SEMA3D: variants seen among roughly 807,000 people sequenced by gnomAD.
SEMA3D encodes the protein semaphorin-3D.
SEMA3D carries 84 observed loss-of-function variants against 100.1 expected under a neutral mutation model. The observed-to-expected ratio is 0.84, with a 90% CI of 0.70 to 1.01. SEMA3D has a LOEUF of 1.01. Ranked by LOEUF, SEMA3D falls within the 50% of genes least tolerant of loss-of-function variation. The pLI is 0.00. For missense variants in SEMA3D, 875 were observed against 934.1 expected (o/e 0.94, Z 0.82); for synonymous variants, 312 against 320.7 (o/e 0.97, Z 0.29).
In SEMA3D at chr7:85,108,351, A is replaced by G. The variant is rs538810318; in HGVS notation, c.152-10386T>C. ...AGGATTTATTGCCATCTTATTAATA[A>G]TTTAGAGAAGTTAATGTGCTATTTA... On this transcript the variant is annotated intron_variant, in intron 3 of 18. Coordinates refer to ENST00000284136, the MANE Select transcript of SEMA3D (RefSeq NM_001384900.1). Among the ~76,000 whole-genome samples the G allele has an allele frequency of 2.0e-5, 3 of 152,168 alleles. No homozygotes were observed. In the South Asian group the frequency reaches 6.2e-4, roughly 32 times the overall value.
At position 85,028,283 on chromosome 7, in the gene SEMA3D, C is replaced by T. The variant is rs533161173; in HGVS notation, c.1192-5670G>A. On this transcript the variant is annotated intron_variant, in intron 12 of 18. Coordinates refer to ENST00000284136, the MANE Select transcript of SEMA3D (RefSeq NM_001384900.1). ...ACAGTGCCAGCTTACTTGAATGACT[C>T]TCAGCATCAGGGCTATCAAAGATGC... 5.1e-5 allele frequency: 36 copies of T among 702,842 alleles called. No individual in the cohort carries two copies. The East Asian group carries it at 8.8e-4, about 17-fold the overall frequency. 43.5% of individuals were successfully genotyped at this position (702,842 alleles called of 1,614,324 possible). A position where few individuals can be genotyped will look rare whatever the true frequency, so the allele number is the denominator to read the frequency against.
intron 4 of SEMA3D, 53 bp from the exon 5 acceptor site, chr7:85,081,632 A>G: frequency 2.5e-6 from 3 of 1,185,698 alleles, no homozygotes; most frequent in East Asian, 4.7e-5. Context: ...ACACCCTAAC[A>G]CTCTGCAATT....
At chr7:85,091,473 AT>A (rs942143978) in intron 4 of SEMA3D, among the ~76,000 whole-genome samples, 5 of 150,452 alleles carry the variant, frequency 3.3e-5, no homozygotes, top group African/African-American at 9.8e-5. Context: ...AGTATTGCAT[AT>A]TTTTTTTTAC....
the SEMA3D span, among the ~76,000 whole-genome samples, chr7:85,243,256 C>T: frequency 6.6e-6 from 1 of 152,158 alleles, no homozygotes; most frequent in African/African-American, 2.4e-5. Flanking sequence ...CTTTTCCTTC[C>T]CTTTGCTGGA....
At chr7:85,231,530 A>C in the SEMA3D span, among the ~76,000 whole-genome samples, 1 of 142,270 alleles carries the variant, frequency 7.0e-6, no homozygotes, top group African/African-American at 2.7e-5. Flanking sequence ...GGCTCACTGC[A>C]AGCTCCGCCT....
chr7:85,086,294 G>T (rs758894445), intron 4 of SEMA3D, among the ~76,000 whole-genome samples: 13 of 151,946 alleles, frequency 8.6e-5, no homozygotes, highest in African/African-American at 1.2e-4. Context: ...ATGATTTGTG[G>T]TGGATTTTTT....
rs886954027 is a variant in SEMA3D at position 84,996,436 on chromosome 7, G to T, written c.*3004C>A. 4 of 151,888 alleles carry T rather than the reference G, an allele frequency of 2.6e-5. No homozygotes were observed. Among genetic ancestry groups the T allele is most frequent in the African/African-American group, 9.7e-5 (4 of 41,400 alleles). The allele number at this position is 151,888 out of a possible 1,614,324, so 9.4% of individuals were successfully genotyped here. On this transcript the variant is annotated 3_prime_UTR_variant, in exon 19 of 19. Transcript: ENST00000284136. ...ATTTTAATTCTTCCACTACTGTTGT[G>T]GCTTTTGCAAATTACTAAATTTCTC... is the stretch of plus-strand genomic sequence containing the variant.
the SEMA3D span, among the ~76,000 whole-genome samples, chr7:85,211,686 T>C: frequency 2.0e-5 from 3 of 152,062 alleles, no homozygotes; most frequent in Non-Finnish European, 4.4e-5. Context: ...ACTGTGTGCG[T>C]GTGCTCTTCT....
intron 9 of SEMA3D, among the ~76,000 whole-genome samples, chr7:85,047,672 T>C (rs749116794): frequency 1.3e-4 from 20 of 151,828 alleles, no homozygotes; most frequent in Non-Finnish European, 2.4e-4. Context: ...AAAACAAGTA[T>C]TTTGTTAAGC....
intron 13 of SEMA3D, 111 bp from the exon 14 acceptor site, chr7:85,020,432 C>A (rs997716081): frequency 2.0e-4 from 138 of 695,070 alleles, no homozygotes; most frequent in Admixed American, 7.6e-5. Context: ...AAATGCCTTT[C>A]AAAAAACAGA....
chr7:85,044,706 A>G (rs1057295620), intron 9 of SEMA3D, among the ~76,000 whole-genome samples: 1 of 152,080 alleles, frequency 6.6e-6, no homozygotes, highest in Non-Finnish European at 1.5e-5. Flanking sequence ...ACAAATATCC[A>G]TATATACATA....
At chr7:85,020,842 T>C (rs1790234789) in intron 13 of SEMA3D, among the ~76,000 whole-genome samples, 1 of 151,578 alleles carries the variant, frequency 6.6e-6, no homozygotes, top group Admixed American at 6.6e-5. Context: ...TCAAATGTAT[T>C]CTATCTTCAG....
intron 1 of SEMA3D, among the ~76,000 whole-genome samples, chr7:85,168,615 C>CA (rs1012313723): frequency 1.1e-5 from 1 of 93,360 alleles, no homozygotes; most frequent in Non-Finnish European, 2.0e-5. Flanking sequence ...GCGGTTTCTG[C>CA]AATTTTTTTT....
At chr7:85,136,668 C>A (rs897029380) in intron 2 of SEMA3D, among the ~76,000 whole-genome samples, 3 of 151,940 alleles carry the variant, frequency 2.0e-5, no homozygotes, top group African/African-American at 7.2e-5. Context: ...ATTATGCTTT[C>A]TCTTGCTAAA....
At chr7:85,239,398 G>A in the SEMA3D span, among the ~76,000 whole-genome samples, 2 of 152,214 alleles carry the variant, frequency 1.3e-5, no homozygotes, top group Admixed American at 1.3e-4. Context: ...TCTCGAAGCA[G>A]ACAGTAGCCT....
At chr7:85,230,226 T>G in the SEMA3D span, among the ~76,000 whole-genome samples, 1 of 152,216 alleles carries the variant, frequency 6.6e-6, no homozygotes, top group South Asian at 2.1e-4. Context: ...TTCACTCAGC[T>G]TTTTAGAGGC....
chr7:85,215,478 T>C, the SEMA3D span, among the ~76,000 whole-genome samples: 1 of 152,144 alleles, frequency 6.6e-6, no homozygotes, highest in Non-Finnish European at 1.5e-5. Flanking sequence ...CTTTGTTCTA[T>C]GCCCTCCCCA....
At chr7:85,226,855 T>C in the SEMA3D span, among the ~76,000 whole-genome samples, 1 of 152,196 alleles carries the variant, frequency 6.6e-6, no homozygotes, top group Non-Finnish European at 1.5e-5. Context: ...CACGTACTTC[T>C]TTATTGAGTT....
intron 12 of SEMA3D, chr7:85,028,228 C>T (rs1449418301): frequency 4.8e-5 from 33 of 686,332 alleles, no homozygotes; most frequent in Non-Finnish European, 1.8e-5. Flanking sequence ...AAAAGTCTAC[C>T]TTGGGAAGAC....
Sources: gnomAD v4.1 joint callset for allele counts (sites outside exome capture counted in the v4.1 genomes callset) on GRCh38, gnomAD v4.1.1 for gene constraint, MANE v1.5 for transcripts, NCBI Gene and HGNC (gene_info 2026-07-23, HGNC 2026-07-21) for gene names.